The following KLHL29 variants were observed in gnomAD, a reference collection of about 807,000 sequenced individuals.
KLHL29 encodes the protein kelch-like protein 29.
Under a neutral mutation model 80.4 loss-of-function variants are expected in KLHL29, and 21 were observed. The ratio of observed to expected loss-of-function variants is 0.26; its 90% confidence interval spans 0.19 to 0.38. The LOEUF (loss-of-function observed/expected upper bound fraction) is 0.38. Ranked by LOEUF, KLHL29 falls within the 10% of genes least tolerant of loss-of-function variation. The pLI, the probability that KLHL29 is intolerant of heterozygous loss-of-function variation, is 1.00. For synonymous variants in KLHL29, 511 were observed against 526.8 expected, an observed-to-expected ratio of 0.97 and a Z score of 0.41; for missense variants, 867 against 1,223.9, an observed-to-expected ratio of 0.71 and a Z score of 4.35.
intron 3 of KLHL29, among the ~76,000 whole-genome samples, chr2:23,592,876 G>A (rs1668303299): frequency 6.6e-6 from 1 of 152,194 alleles, no homozygotes; most frequent in Admixed American, 6.5e-5. Context: ...CGTTGGTCCA[G>A]GAACTTTACA....
intron 1 of KLHL29, among the ~76,000 whole-genome samples, chr2:23,436,924 G>A (rs115166193): frequency 0.014 from 2,199 of 152,322 alleles, 28 homozygotes; most frequent in Middle Eastern, 0.037. Flanking sequence ...GAAGGAAATG[G>A]AGGATGAATG....
chr2:23,704,435 C>G (rs1363135493), intron 13 of KLHL29, among the ~76,000 whole-genome samples: 1 of 152,212 alleles, frequency 6.6e-6, no homozygotes, highest in Non-Finnish European at 1.5e-5. Flanking sequence ...GCTCTTCCAG[C>G]CCCATCCTTT....
At chr2:23,549,475 T>C (rs1261057187) in intron 2 of KLHL29, among the ~76,000 whole-genome samples, 1 of 151,884 alleles carries the variant, frequency 6.6e-6, no homozygotes, top group Non-Finnish European at 1.5e-5. Context: ...TTTTTTTTAA[T>C]TAAATTAAAT....
At chr2:23,524,360 GCC>G in intron 2 of KLHL29, 1 of 186,788 alleles carries the variant, frequency 5.4e-6, no homozygotes, top group Non-Finnish European at 1.1e-5. Context: ...GAAGTAGCAG[GCC>G]AGGAAATACC....
In KLHL29 at chr2:23,684,499, A is replaced by AG; in HGVS notation, c.1042dup (p.Ala348GlyfsTer147). ...AGTTTGAAGTCCACCAAAATGTTCTAGCTTCCTGCAGCTTGTATTTCAAGG... is the reference window on the plus strand; with the variant it reads ...AGTTTGAAGTCCACCAAAATGTTCTAGGCTTCCTGCAGCTTGTATTTCAAGG... On this transcript the variant is annotated frameshift_variant, in exon 6 of 14. Coordinates refer to ENST00000486442, the MANE Select transcript of KLHL29 (RefSeq NM_052920.2). LOFTEE classifies it high-confidence loss of function. This position sits in a 1 kb window ranked among gnomAD's most constrained non-coding sequence, Gnocchi z 4.4. The AG allele has an allele frequency of 1.9e-6, 3 of 1,550,528 alleles. No individual in the cohort carries two copies. Among genetic ancestry groups the AG allele is most frequent in the Non-Finnish European group, 2.6e-6 (3 of 1,146,764 alleles).
chr2:23,556,544 G>C (rs373398911), intron 2 of KLHL29, among the ~76,000 whole-genome samples: 16 of 151,738 alleles, frequency 1.1e-4, no homozygotes, highest in African/African-American at 3.6e-4. Flanking sequence ...CCTGTAATAC[G>C]CAGGAGGCTG....
At chr2:23,552,756 C>CTCTTCTTTTTT (rs1667160246) in intron 2 of KLHL29, among the ~76,000 whole-genome samples, 2 of 50,754 alleles carry the variant, frequency 3.9e-5, no homozygotes, top group African/African-American at 2.5e-4. Context: ...GCTCTGGTTT[C>CTCTTCTTTTTT]TTTTCTTTTT....
At chr2:23,469,756 G>A (rs931397545) in intron 1 of KLHL29, among the ~76,000 whole-genome samples, 3 of 152,108 alleles carry the variant, frequency 2.0e-5, no homozygotes, top group African/African-American at 4.8e-5. Context: ...CATCTACTAC[G>A]TGCCAGGTGG....
At chr2:23,622,490 G>C (rs978435697) in intron 3 of KLHL29, among the ~76,000 whole-genome samples, 7 of 152,202 alleles carry the variant, frequency 4.6e-5, no homozygotes, top group Non-Finnish European at 4.4e-5. Flanking sequence ...ACAAAGGATG[G>C]ACAAATGCGA....
intron 5 of KLHL29, chr2:23,643,306 C>T (rs1161456758): frequency 3.2e-6 from 1 of 308,646 alleles, no homozygotes; most frequent in South Asian, 3.1e-5. Context: ...AGGGAAGGCA[C>T]TCTCTGTCGT....
At chr2:23,685,606 G>C (rs1671220729) in intron 6 of KLHL29, among the ~76,000 whole-genome samples, 1 of 152,236 alleles carries the variant, frequency 6.6e-6, no homozygotes. Flanking sequence ...CTGCCCTGTG[G>C]GCAGGCTCTG....
intron 2 of KLHL29, among the ~76,000 whole-genome samples, chr2:23,495,409 G>A (rs1448648068): frequency 3.3e-5 from 5 of 152,176 alleles, no homozygotes; most frequent in African/African-American, 9.7e-5. Flanking sequence ...TGCAGCAGAG[G>A]TGTTGAGGTT....
At chr2:23,436,402 T>A (rs1273065237) in intron 1 of KLHL29, among the ~76,000 whole-genome samples, 2 of 151,414 alleles carry the variant, frequency 1.3e-5, no homozygotes. Flanking sequence ...GAGAGCCACA[T>A]TTTTTTCTCC....
At chr2:23,439,146 T>C (rs376587808) in intron 1 of KLHL29, among the ~76,000 whole-genome samples, 29 of 150,778 alleles carry the variant, frequency 1.9e-4, no homozygotes, top group South Asian at 1.5e-3. Context: ...TCTGTGGGAT[T>C]GGTGGTGATA....
At position 23,473,643 on chromosome 2, in the gene KLHL29, C is replaced by T. The variant is rs1013546238; in HGVS notation, c.-153-1917C>T. On this transcript the variant is annotated intron_variant, in intron 1 of 13. Transcript: ENST00000486442. ...CAGTCTAGCCTATTCCATATTCATT[C>T]GGCACAGCCTGGAAAGGAAGTGGAT... Among the ~76,000 whole-genome samples the T allele has an allele frequency of 2.6e-5, 4 of 152,218 alleles. No homozygotes were observed. In the South Asian group the frequency reaches 8.3e-4, roughly 32 times the overall value.
chr2:23,483,321 G>A (rs1325759515), intron 2 of KLHL29, among the ~76,000 whole-genome samples: 2 of 152,178 alleles, frequency 1.3e-5, no homozygotes, highest in African/African-American at 4.8e-5. Flanking sequence ...CTAGGCAATG[G>A]GAACAGCTTG....
chr2:23,450,833 A>G (rs992397392), intron 1 of KLHL29, among the ~76,000 whole-genome samples: 5 of 152,230 alleles, frequency 3.3e-5, no homozygotes, highest in African/African-American at 1.2e-4. Flanking sequence ...AACCATCCCT[A>G]TGGCTTATAT....
chr2:23,413,161 C>T (rs1000490048), intron 1 of KLHL29, among the ~76,000 whole-genome samples: 4 of 152,164 alleles, frequency 2.6e-5, no homozygotes, highest in African/African-American at 9.7e-5. Context: ...CAGGGTGTAG[C>T]TGAGATACAA....
intron 11 of KLHL29, chr2:23,697,568 C>G (rs567048499): frequency 6.6e-6 from 1 of 152,230 alleles, no homozygotes. Flanking sequence ...TTGTATTTTT[C>G]CCCCTTGGTG....
Sources: gnomAD v4.1 joint callset for allele counts (sites outside exome capture counted in the v4.1 genomes callset) on GRCh38, gnomAD v4.1.1 for gene constraint, Gnocchi (gnomAD v3.1) non-coding constraint, MANE v1.5 for transcripts, NCBI Gene and HGNC (gene_info 2026-07-23, HGNC 2026-07-21) for gene names.